Variants in F5 observed in about 807,000 individuals in gnomAD.
F5 encodes activated protein c cofactor.
A neutral mutation model predicts 216.4 loss-of-function variants in F5; 138 were observed. The ratio of observed to expected loss-of-function variants is 0.64; its 90% CI spans 0.56 to 0.73. The LOEUF (loss-of-function observed/expected upper bound fraction) is 0.73, where lower values mean the gene tolerates loss of function less well. Among genes scored for constraint, F5 ranks in the 30% least tolerant of loss-of-function variants. F5 has a pLI of 0.00. For synonymous variants in F5, 916 were observed against 930.7 expected (o/e 0.98, Z 0.29); for missense variants, 2,403 against 2,674.0 (o/e 0.90, Z 2.24).
At position 169,540,831 on chromosome 1, in the gene F5, A is replaced by G. The variant is rs1261459622; in HGVS notation, c.4259T>C (p.Leu1420Pro). The change falls in exon 13 of 25, where the codon CTT becomes CCT. Residue 1420 changes from leucine to proline, a missense_variant. Transcript: ENST00000367797. ...GGACATCTGACCAAAGTTTGGGGAAAGATCTGTCTCACCAAGGTCTGGAGA... is the reference window on the plus strand; with the variant it reads ...GGACATCTGACCAAAGTTTGGGGAAGGATCTGTCTCACCAAGGTCTGGAGA... ...TLSPDLGETD[L>P]SPNFGQMSLS... 3 of 1,613,878 alleles carry G rather than the reference A, an allele frequency of 1.9e-6. No homozygotes were observed. The highest frequency in any genetic ancestry group is 2.2e-5 in the East Asian group (1 of 44,856).
chr1:169,572,804 T>G (rs1488085408), intron 2 of F5, among the ~76,000 whole-genome samples: 2 of 152,170 alleles, frequency 1.3e-5, no homozygotes, highest in Admixed American at 1.3e-4. Flanking sequence ...GTAGTCTTGA[T>G]GTATCTAAGG....
chr1:169,550,595 C>A lies in F5; in HGVS notation c.1396+45G>T, dbSNP rs1660144805. ...GAATAGCAGAAAAATGTGGCAGCCTCTCAGAAGTTACTAGTTGGATTCAGT... is the reference window on the plus strand; with the variant it reads ...GAATAGCAGAAAAATGTGGCAGCCTATCAGAAGTTACTAGTTGGATTCAGT... On this transcript the variant is annotated intron_variant, in intron 9 of 24. Transcript: ENST00000367797. 2.0e-6 allele frequency: 3 copies of A among 1,480,770 alleles called. No individual in the cohort carries two copies. The African/African-American group carries it at 4.2e-5, about 20-fold the overall frequency. The allele number at this position is 1,480,770 out of a possible 1,614,324, so 91.7% of individuals were successfully genotyped here. A position where few individuals can be genotyped will look rare whatever the true frequency, so the allele number is the denominator to read the frequency against.
rs567489580 is a variant in F5 at position 169,569,339 on chromosome 1, A to T, written c.373+2882T>A. The stretch of plus-strand genomic sequence containing the variant: ...ATTTGGAGAGCTGGCTTACCAGCAG[A>T]TGGCTATATATTATAGAACTAATTT... On this transcript the variant is annotated intron_variant, in intron 3 of 24. Coordinates refer to ENST00000367797, the MANE Select transcript of F5 (RefSeq NM_000130.5). Among the ~76,000 whole-genome samples the T allele has an allele frequency of 7.9e-5, 12 of 152,246 alleles. No individual in the cohort carries two copies. The East Asian group carries it at 2.3e-3, about 29-fold the overall frequency.
chr1:169,577,640 ACATTGCCCAGG>A (rs1411315972), intron 2 of F5, among the ~76,000 whole-genome samples: 3 of 140,520 alleles, frequency 2.1e-5, no homozygotes, highest in Non-Finnish European at 4.6e-5. Flanking sequence ...GAGTCTCACT[ACATTGCCCAGG>A]CTGGTCTAAA....
Position 169,514,315 on chromosome 1 carries a change from A to G in F5, c.6673T>C (p.Ter2225GlnextTer2), listed in dbSNP as rs747862954. 2.5e-6 allele frequency: 4 copies of G among 1,613,224 alleles called. No individual in the cohort carries two copies. Among genetic ancestry groups the G allele is most frequent in the East Asian group, 4.5e-5 (2 of 44,838 alleles). Residue 2225 changes from the stop codon to glutamine (Q), a stop_lost, in exon 25 of 25, where the codon TAG becomes CAG. Transcript: ENST00000367797. ...CAGGGGTTTTTGAATGTTCAATTCT[A>G]GTAAATATCACAGCCAAAGAGTTCC... ...RLELFGCDIY[*>Q]
chr1:169,525,896 G>T lies in F5; in HGVS notation c.5716+5C>A. ...AAACCAAATATCACATGGCTCTTGTGATACCTCTGTCCATGATAAGAAATG... is the reference window on the plus strand; with the variant it reads ...AAACCAAATATCACATGGCTCTTGTTATACCTCTGTCCATGATAAGAAATG... On this transcript the variant is annotated splice_donor_5th_base_variant and intron_variant, in intron 18 of 24. Transcript: ENST00000367797. 6.2e-7 allele frequency: 1 copy of T among 1,600,536 alleles called. No individual in the cohort carries two copies. Among genetic ancestry groups the T allele is most frequent in the African/African-American group, 1.3e-5 (1 of 74,696 alleles).
chr1:169,579,504 G>A (rs942871833), intron 2 of F5, among the ~76,000 whole-genome samples: 17 of 152,108 alleles, frequency 1.1e-4, no homozygotes, highest in East Asian at 3.9e-4. Context: ...TTCTACACCC[G>A]TCTGCTCACT....
intron 14 of F5, among the ~76,000 whole-genome samples, chr1:169,535,965 G>A (rs1659695337): frequency 6.6e-6 from 1 of 152,136 alleles, no homozygotes; most frequent in Non-Finnish European, 1.5e-5. Context: ...TGTTATAAAA[G>A]CAAGTTATAA....
At chr1:169,565,880 C>G (rs182527913) in intron 3 of F5, among the ~76,000 whole-genome samples, 1 of 152,202 alleles carries the variant, frequency 6.6e-6, no homozygotes, top group East Asian at 1.9e-4. Context: ...AATATTTACT[C>G]TAGGCTGTAC....
rs1659553499 is a variant in F5 at position 169,529,922 on chromosome 1, A to G, written c.5209-104T>C. ...AAGGAAACTTTCTGATAGGCTCTGAATTTGAAGATGAAGATTATAAATGAA... is the reference window on the plus strand; with the variant it reads ...AAGGAAACTTTCTGATAGGCTCTGAGTTTGAAGATGAAGATTATAAATGAA... On this transcript the variant is annotated intron_variant, in intron 15 of 24. Transcript: ENST00000367797. 4 of 893,646 alleles carry G rather than the reference A, an allele frequency of 4.5e-6. No individual in the cohort carries two copies. In the Admixed American group the frequency reaches 7.5e-5, roughly 17 times the overall value. 55.4% of individuals were successfully genotyped at this position (893,646 alleles called of 1,614,324 possible). A position where few individuals can be genotyped will look rare whatever the true frequency, so the allele number is the denominator to read the frequency against.
In F5 at chr1:169,542,364, T is replaced by C; in HGVS notation, c.2726A>G (p.Asp909Gly). ...AGAACCAGTGTCTTGGCTAGGAAGG[T>C]CCTCCCAGGGCCTCATTCCGGAAGG... ...GSPSGMRPWE[D>G]LPSQDTGSPS... is the part of the protein sequence containing the mutation. Residue 909 changes from aspartate to glycine, a missense_variant, in exon 13 of 25, where the codon GAC becomes GGC. Coordinates refer to ENST00000367797, the MANE Select transcript of F5 (RefSeq NM_000130.5). 6.2e-7 allele frequency: 1 copy of C among 1,613,756 alleles called. No individual in the cohort carries two copies. The highest frequency in any genetic ancestry group is 2.2e-5 in the East Asian group (1 of 44,866).
chr1:169,541,276 C>T lies in F5; in HGVS notation c.3814G>A (p.Gly1272Ser), dbSNP rs764674293. The change falls in exon 13 of 25, where the codon GGT becomes AGT. Residue 1272 changes from glycine (G) to serine (S), a missense_variant. By Grantham distance (56) the Gly-to-Ser change is moderately conservative. Transcript: ENST00000367797. The stretch of plus-strand genomic sequence containing the variant: ...AGGTCTGGAGAAAGGGGCATCTGAC[C>T]GAGGGCTGGAGAAAGGTTTGTCTGA... ...LSQTNLSPAL[G>S]QMPLSPDLSH... 20 of 1,535,032 alleles carry T rather than the reference C, an allele frequency of 1.3e-5. No homozygotes were observed. The highest frequency in any genetic ancestry group is 8.8e-5 in the African/African-American group (6 of 68,056).
intron 2 of F5, among the ~76,000 whole-genome samples, chr1:169,574,575 G>A (rs1295002262): frequency 6.6e-6 from 1 of 152,160 alleles, no homozygotes; most frequent in Non-Finnish European, 1.5e-5. Context: ...TGTTTGCAGT[G>A]GTGATGATAA....
Position 169,544,377 on chromosome 1 carries a change from T to A in F5, c.1894A>T (p.Ile632Phe). The change falls in exon 12 of 25, where the codon ATC (isoleucine) becomes TTC (phenylalanine). Residue 632 changes from isoleucine to phenylalanine, a missense_variant. Around this residue, in one of 4 missense-constraint regions of F5, gnomAD observed 1,425 missense variants for 1,554.8 expected, o/e 0.92. Transcript: ENST00000367797. Reference protein sequence around the residue: ...LTIHFTGHSFIYGKRHEDTLT... With the variant: ...LTIHFTGHSFFYGKRHEDTLT... ...GTGTCCTCATGCCTCTTTCCATAGA[T>A]GAATGAGTGCCCAGTGAAGTGGATG... 1 of 1,614,122 alleles carries A rather than the reference T, an allele frequency of 6.2e-7. No homozygotes were observed. Among genetic ancestry groups the A allele is most frequent in the Non-Finnish European group, 8.5e-7 (1 of 1,179,992 alleles).
In F5 at chr1:169,544,316, G is replaced by A. The variant is rs372907241; in HGVS notation, c.1955C>T (p.Thr652Met). The change falls in exon 12 of 25, where the codon ACG becomes ATG. Residue 652 changes from threonine to methionine, a missense_variant. By Grantham distance (81) the Thr-to-Met change is moderately conservative. Transcript: ENST00000367797. ...TLFPMRGESV[T>M]VTMDNVGTWM... ...CTCACCAACATTATCCATTGTGACC[G>A]TCACAGATTCTCCACGCATGGGGAA... The A allele has an allele frequency of 1.7e-5, 28 of 1,613,748 alleles. No homozygotes were observed. Among genetic ancestry groups the A allele is most frequent in the Non-Finnish European group, 2.0e-5 (24 of 1,179,868 alleles).
intron 2 of F5, among the ~76,000 whole-genome samples, chr1:169,579,119 T>G (rs1296321257): frequency 7.1e-6 from 1 of 140,634 alleles, no homozygotes; most frequent in East Asian, 2.5e-4. Context: ...TATAAGACCC[T>G]TGTGCTTCAG....
Position 169,560,621 on chromosome 1 carries a change from G to A in F5, c.519C>T (p.Tyr173=). The change falls in exon 4 of 25, where the codon TAC becomes TAT. Residue 173 remains tyrosine, a synonymous_variant. Transcript: ENST00000367797. ...DDPPCLTHIY[Y]SHENLIEDFN... is the part of the protein sequence containing the mutation. Reference sequence around the variant, plus strand: ...AATCCTCGATCAGATTTTCATGGGAGTAATAGATGTGTGTGAGGCATGGAG... The same window carrying A: ...AATCCTCGATCAGATTTTCATGGGAATAATAGATGTGTGTGAGGCATGGAG... 6.2e-7 allele frequency: 1 copy of A among 1,613,782 alleles called. No homozygotes were observed. The highest frequency in any genetic ancestry group is 8.5e-7 in the Non-Finnish European group (1 of 1,179,802).
At position 169,544,351 on chromosome 1, in the gene F5, G is replaced by A. The variant is rs9332598; in HGVS notation, c.1920C>T (p.Thr640=). The part of the protein sequence containing the change: ...SFIYGKRHED[T]LTLFPMRGES... ...CTCCACGCATGGGGAAGAGGGTCAAGGTGTCCTCATGCCTCTTTCCATAGA... is the reference window on the plus strand; with the variant it reads ...CTCCACGCATGGGGAAGAGGGTCAAAGTGTCCTCATGCCTCTTTCCATAGA... The change falls in exon 12 of 25, where the codon ACC becomes ACT. Residue 640 remains threonine, a synonymous_variant. Transcript: ENST00000367797. The A allele has an allele frequency of 2.7e-5, 44 of 1,614,106 alleles. No homozygotes were observed. In the African/African-American group the frequency reaches 5.7e-4, roughly 21 times the overall value.
intron 2 of F5, among the ~76,000 whole-genome samples, chr1:169,579,274 C>T (rs1158023635): frequency 6.6e-6 from 1 of 152,132 alleles, no homozygotes; most frequent in Non-Finnish European, 1.5e-5. Flanking sequence ...GATTTCTTCT[C>T]CCCTCCCTGA....
Sources: allele counts gnomAD v4.1 joint callset (sites outside exome capture counted in the v4.1 genomes callset), GRCh38; gene constraint gnomAD v4.1.1; regional missense constraint gnomAD v4.1.1; transcripts MANE v1.5; gene names NCBI Gene and HGNC (gene_info 2026-07-23, HGNC 2026-07-21).